CPEB3: variants seen among roughly 807,000 people sequenced by gnomAD.
CPEB3 encodes the protein cytoplasmic polyadenylation element binding protein 3.
A neutral mutation model predicts 67.2 loss-of-function variants in CPEB3; 20 were observed. The observed-to-expected ratio is 0.30, with a 90% CI of 0.21 to 0.43. The LOEUF (loss-of-function observed/expected upper bound fraction) is 0.43, where lower values mean the gene tolerates loss of function less well. Ranked by LOEUF, CPEB3 falls within the 20% of genes least tolerant of loss-of-function variation. The probability of loss-of-function intolerance (pLI) is 1.00; values close to 1 mark genes in which losing one functional copy is unlikely to be tolerated. For missense variants in CPEB3, 746 were observed against 968.6 expected, an observed-to-expected ratio of 0.77 and a Z score of 3.05; for synonymous variants, 376 against 393.1, an observed-to-expected ratio of 0.96 and a Z score of 0.51.
intron 1 of CPEB3, among the ~76,000 whole-genome samples, chr10:92,252,846 C>A (rs1344387724): frequency 4.6e-5 from 7 of 152,054 alleles, no homozygotes; most frequent in Admixed American, 4.6e-4. Flanking sequence ...AAACAGCATA[C>A]ATAAATTGCA....
intron 2 of CPEB3, among the ~76,000 whole-genome samples, chr10:92,210,767 G>C (rs185051901): frequency 2.4e-4 from 36 of 152,320 alleles, no homozygotes; most frequent in African/African-American, 8.7e-4. Context: ...GCCAGGCGTG[G>C]TGGCTCATGC....
chr10:92,080,511 G>A (rs1843105460), intron 9 of CPEB3, among the ~76,000 whole-genome samples: 1 of 152,184 alleles, frequency 6.6e-6, no homozygotes. Context: ...GTGGAAGCAG[G>A]AGAAACAGAA....
At chr10:92,241,292 G>C (rs1590505738) in intron 1 of CPEB3, among the ~76,000 whole-genome samples, 4 of 149,192 alleles carry the variant, frequency 2.7e-5, no homozygotes, top group South Asian at 2.2e-4. Flanking sequence ...GAGTGCGCGC[G>C]AGCGAGCGAG....
At chr10:92,164,297 A>G (rs1230239881) in intron 4 of CPEB3, among the ~76,000 whole-genome samples, 1 of 152,202 alleles carries the variant, frequency 6.6e-6, no homozygotes, top group Non-Finnish European at 1.5e-5. Flanking sequence ...TAAAGCACCT[A>G]CTTTAACTCA....
intron 9 of CPEB3, among the ~76,000 whole-genome samples, chr10:92,058,609 A>ATC (rs1483388293): frequency 2.0e-5 from 3 of 150,244 alleles, no homozygotes; most frequent in African/African-American, 7.3e-5. Flanking sequence ...ATATATATAT[A>ATC]AATTAATTAT....
chr10:92,208,669 C>T (rs1022210837), intron 2 of CPEB3, among the ~76,000 whole-genome samples: 3 of 151,346 alleles, frequency 2.0e-5, no homozygotes, highest in Non-Finnish European at 4.4e-5. Context: ...TCTGAGCTCA[C>T]TGTAACCTTC....
At chr10:92,216,435 C>T (rs533792668) in intron 2 of CPEB3, 5 of 1,612,562 alleles carry the variant, frequency 3.1e-6, no homozygotes, top group Admixed American at 1.7e-5. Context: ...AACCCCATCG[C>T]GCAGCTCCTG....
At chr10:92,052,519 T>C in intron 9 of CPEB3, 80 bp from the exon 10 acceptor site, 1 of 1,214,428 alleles carries the variant, frequency 8.2e-7, no homozygotes, top group Admixed American at 1.8e-5. Context: ...GTTTACACTA[T>C]AGCTTCAACG....
intron 2 of CPEB3, among the ~76,000 whole-genome samples, chr10:92,212,171 G>A (rs1014428502): frequency 2.7e-5 from 4 of 148,122 alleles, no homozygotes; most frequent in East Asian, 2.0e-4. Context: ...AGGAGCCACC[G>A]TGCCCAGCTC....
intron 4 of CPEB3, among the ~76,000 whole-genome samples, chr10:92,174,689 A>G (rs1848147314): frequency 6.6e-6 from 1 of 152,224 alleles, no homozygotes; most frequent in Admixed American, 6.5e-5. Context: ...AGGAAGAGTG[A>G]GGGTAAACAA....
chr10:92,143,715 G>A (rs1422968936), intron 5 of CPEB3, among the ~76,000 whole-genome samples: 2 of 152,058 alleles, frequency 1.3e-5, no homozygotes, highest in Non-Finnish European at 2.9e-5. Flanking sequence ...ATGACTCAAA[G>A]CAGAGGTTAT....
chr10:92,053,788 G>A (rs182539198), intron 9 of CPEB3, among the ~76,000 whole-genome samples: 85 of 152,154 alleles, frequency 5.6e-4, no homozygotes, highest in Admixed American at 8.5e-4. Flanking sequence ...TGATCCACCC[G>A]CCTCGGCCTC....
At chr10:92,114,956 T>C (rs1003188586) in intron 6 of CPEB3, among the ~76,000 whole-genome samples, 9 of 152,240 alleles carry the variant, frequency 5.9e-5, no homozygotes, top group African/African-American at 2.2e-4. Context: ...TTTTTGCATA[T>C]GGTCTCATTA....
intron 6 of CPEB3, among the ~76,000 whole-genome samples, chr10:92,125,251 C>A (rs1339996137): frequency 1.3e-5 from 2 of 152,246 alleles, no homozygotes; most frequent in Non-Finnish European, 2.9e-5. Context: ...TGCCCCTAGA[C>A]TGCTGAAGCT....
At chr10:92,104,685 T>C (rs374530557) in intron 7 of CPEB3, among the ~76,000 whole-genome samples, 9 of 151,858 alleles carry the variant, frequency 5.9e-5, no homozygotes, top group African/African-American at 1.9e-4. Context: ...CACGCCCGGC[T>C]GGAAATGCAA....
At chr10:92,066,161 G>A (rs1842539774) in intron 9 of CPEB3, among the ~76,000 whole-genome samples, 1 of 151,980 alleles carries the variant, frequency 6.6e-6, no homozygotes, top group Admixed American at 6.6e-5. Context: ...ATCAAGCAGA[G>A]ATCAGTAATA....
At chr10:92,146,109 A>G (rs1025047583) in intron 4 of CPEB3, among the ~76,000 whole-genome samples, 2 of 152,236 alleles carry the variant, frequency 1.3e-5, no homozygotes, top group Admixed American at 6.5e-5. Context: ...CTCAAAAAAT[A>G]TACGAAAAGA....
At chr10:92,289,645 C>G (rs1265894158) in intron 1 of CPEB3, among the ~76,000 whole-genome samples, 1 of 143,618 alleles carries the variant, frequency 7.0e-6, no homozygotes, top group Non-Finnish European at 1.5e-5. Flanking sequence ...TTTGGGAGAC[C>G]AATGCGGGTG....
chr10:92,088,631 A>T lies in CPEB3; in HGVS notation c.1687+3199T>A, dbSNP rs921188336. ...TTACAATGAGGAAATATCAAAGATTAAAAAAAAAAAACTCACAAGATCCAA... is the reference window on the plus strand; with the variant it reads ...TTACAATGAGGAAATATCAAAGATTTAAAAAAAAAAACTCACAAGATCCAA... On this transcript the variant is annotated intron_variant, in intron 8 of 9. Transcript: ENST00000265997. Among the ~76,000 whole-genome samples, 2 of 145,382 alleles carry T rather than the reference A, an allele frequency of 1.4e-5. 1 individual carries two copies. The highest frequency in any genetic ancestry group is 3.9e-4 in the East Asian group (2 of 5,070).
Sources: allele counts gnomAD v4.1 joint callset (sites outside exome capture counted in the v4.1 genomes callset), GRCh38; gene constraint gnomAD v4.1.1; transcripts MANE v1.5; gene names NCBI Gene and HGNC (gene_info 2026-07-23, HGNC 2026-07-21).